Variants in ROBO2 observed in about 807,000 individuals in gnomAD.
ROBO2 encodes roundabout guidance receptor 2, also known as roundabout homolog 2.
A neutral mutation model predicts 160.8 loss-of-function variants in ROBO2; 53 were observed. The observed-to-expected ratio is 0.33, with a 90% CI of 0.26 to 0.41. The LOEUF (loss-of-function observed/expected upper bound fraction) is 0.41. Ranked by LOEUF, ROBO2 falls within the 10% of genes least tolerant of loss-of-function variation. ROBO2 has a pLI of 1.00. For missense variants in ROBO2, 1,577 were observed against 1,722.4 expected (o/e 0.92, Z 1.49); for synonymous variants, 664 against 611.7 (o/e 1.09, Z -1.26).
At chr3:76,218,109 A>C (rs1161450337) in intron 2 of ROBO2, among the ~76,000 whole-genome samples, 2 of 152,230 alleles carry the variant, frequency 1.3e-5, no homozygotes, top group African/African-American at 4.8e-5. Flanking sequence ...ACGAAATTCA[A>C]CAGCCCTTCA....
At chr3:76,482,859 C>A (rs564486145) in intron 2 of ROBO2, among the ~76,000 whole-genome samples, 2 of 152,254 alleles carry the variant, frequency 1.3e-5, no homozygotes, top group Non-Finnish European at 2.9e-5. Context: ...TCTTCATCTG[C>A]AATTTCAAGC....
intron 2 of ROBO2, among the ~76,000 whole-genome samples, chr3:76,645,097 A>C (rs1163641568): frequency 6.6e-6 from 1 of 152,212 alleles, no homozygotes; most frequent in African/African-American, 2.4e-5. Flanking sequence ...GAATAGGTGA[A>C]AAGAAAAACT....
At chr3:77,454,764 T>C (rs758082752) in intron 2 of ROBO2, among the ~76,000 whole-genome samples, 11 of 152,208 alleles carry the variant, frequency 7.2e-5, no homozygotes, top group Non-Finnish European at 1.5e-4. Flanking sequence ...CTTAATTGTG[T>C]CTTCTCTTTT....
chr3:76,016,434 C>A (rs192156750), intron 2 of ROBO2, among the ~76,000 whole-genome samples: 1 of 151,696 alleles, frequency 6.6e-6, no homozygotes, highest in African/African-American at 2.4e-5. Flanking sequence ...GTATCAGTGC[C>A]TAGCTCGGAT....
intron 2 of ROBO2, among the ~76,000 whole-genome samples, chr3:77,270,945 TAAAA>T (rs34427104): frequency 2.7e-5 from 4 of 146,162 alleles, no homozygotes; most frequent in African/African-American, 7.5e-5. Context: ...TCTGTCTTTT[TAAAA>T]AAAAAAAAAA....
At chr3:76,346,991 T>C (rs571389125) in intron 2 of ROBO2, among the ~76,000 whole-genome samples, 3 of 152,204 alleles carry the variant, frequency 2.0e-5, no homozygotes, top group African/African-American at 7.2e-5. Context: ...TATGCCTACA[T>C]TGGAGCCAAA....
chr3:77,461,900 A>G (rs903645849), intron 2 of ROBO2, among the ~76,000 whole-genome samples: 3 of 151,782 alleles, frequency 2.0e-5, no homozygotes, highest in Non-Finnish European at 4.4e-5. Context: ...TAATTTTTGT[A>G]TTTTTAGTAG....
chr3:76,067,464 T>C (rs1022941139), intron 2 of ROBO2, among the ~76,000 whole-genome samples: 3 of 151,104 alleles, frequency 2.0e-5, no homozygotes, highest in Non-Finnish European at 2.9e-5. Context: ...ACTGCTTTTC[T>C]TTGCAATAGA....
intron 2 of ROBO2, among the ~76,000 whole-genome samples, chr3:77,177,331 G>A (rs1560169821): frequency 6.6e-6 from 1 of 151,982 alleles, no homozygotes; most frequent in East Asian, 1.9e-4. Flanking sequence ...TTTGTTTCAT[G>A]TCATCTTATT....
At chr3:76,060,283 C>G (rs569114864) in intron 2 of ROBO2, among the ~76,000 whole-genome samples, 1 of 134,304 alleles carries the variant, frequency 7.4e-6, no homozygotes, top group African/African-American at 3.1e-5. Context: ...CACACAGAGA[C>G]CTGATTTTTG....
intron 2 of ROBO2, among the ~76,000 whole-genome samples, chr3:76,940,581 C>T (rs2149108580): frequency 6.6e-6 from 1 of 152,266 alleles, no homozygotes; most frequent in East Asian, 1.9e-4. Flanking sequence ...TCTAATTCGT[C>T]CCCAGATTAC....
chr3:77,022,909 C>T (rs1156802067), intron 2 of ROBO2, among the ~76,000 whole-genome samples: 3 of 152,144 alleles, frequency 2.0e-5, no homozygotes, highest in Admixed American at 1.3e-4. Flanking sequence ...TTTTTGTCTT[C>T]TGAAACTGAA....
chr3:77,391,816 T>C (rs932225965), intron 2 of ROBO2, among the ~76,000 whole-genome samples: 1 of 152,096 alleles, frequency 6.6e-6, no homozygotes, highest in African/African-American at 2.4e-5. Flanking sequence ...AGCTCGGCCT[T>C]TCCAAAGTGC....
chr3:77,343,670 G>T (rs1249929795), intron 2 of ROBO2, among the ~76,000 whole-genome samples: 1 of 152,238 alleles, frequency 6.6e-6, no homozygotes, highest in Non-Finnish European at 1.5e-5. Flanking sequence ...AATATAATTT[G>T]CTCTTGACAT....
chr3:77,291,960 G>C (rs568918275), intron 2 of ROBO2, among the ~76,000 whole-genome samples: 2 of 151,768 alleles, frequency 1.3e-5, no homozygotes, highest in East Asian at 1.9e-4. Context: ...GCTGAGACTA[G>C]ATCACCCCAG....
chr3:77,173,152 T>C (rs954611737), intron 2 of ROBO2, among the ~76,000 whole-genome samples: 4 of 152,126 alleles, frequency 2.6e-5, no homozygotes, highest in African/African-American at 7.2e-5. Context: ...GTAAGAACAT[T>C]TTGTAAAGGA....
At chr3:76,008,523 C>T (rs2066096024) in intron 2 of ROBO2, among the ~76,000 whole-genome samples, 1 of 152,068 alleles carries the variant, frequency 6.6e-6, no homozygotes, top group African/African-American at 2.4e-5. Flanking sequence ...CTTGCAAATT[C>T]AAATCCTTTC....
chr3:77,530,437 G>A (rs766386914), intron 6 of ROBO2, among the ~76,000 whole-genome samples: 1 of 151,918 alleles, frequency 6.6e-6, no homozygotes, highest in East Asian at 1.9e-4. Context: ...ACTCTTGTGC[G>A]ATGCATTTGT....
chr3:77,096,852 C>A (rs7627885), intron 1 of ROBO2, among the ~76,000 whole-genome samples: 8,003 of 152,198 alleles, frequency 0.053, 705 homozygotes, highest in African/African-American at 0.18. Flanking sequence ...TGGTGATATA[C>A]CAAATTCTGT....
Sources: allele counts gnomAD v4.1 joint callset (sites outside exome capture counted in the v4.1 genomes callset), GRCh38; gene constraint gnomAD v4.1.1; transcripts MANE v1.5; gene names NCBI Gene and HGNC (gene_info 2026-07-23, HGNC 2026-07-21).